HMBOX1: variants seen among roughly 807,000 people sequenced by gnomAD.
HMBOX1 encodes the protein homeobox-containing protein 1.
In HMBOX1, 14 loss-of-function variants were observed where a neutral mutation model predicts 54.5. That is an observed-to-expected ratio of 0.26 (90% CI 0.17 to 0.40). HMBOX1 has a LOEUF of 0.40. HMBOX1 is among the 10% of genes least tolerant of loss of function. The pLI is 1.00. For missense variants in HMBOX1, 332 were observed against 514.4 expected, an observed-to-expected ratio of 0.65 and a Z score of 3.43; for synonymous variants, 160 against 181.0, an observed-to-expected ratio of 0.88 and a Z score of 0.93.
intron 5 of HMBOX1, chr8:29,009,528 T>A: frequency 1.3e-6 from 1 of 752,516 alleles, no homozygotes; most frequent in Non-Finnish European, 1.6e-6. Context: ...TATCTCTTTT[T>A]TTTTTTTTTT....
chr8:28,920,060 A>G (rs1025911059), intron 1 of HMBOX1, among the ~76,000 whole-genome samples: 1 of 152,152 alleles, frequency 6.6e-6, no homozygotes. Flanking sequence ...TGAATAAACA[A>G]GAACATTTAT....
Position 28,979,422 on chromosome 8 carries a change from A to C in HMBOX1, c.501-649A>C, listed in dbSNP as rs973066410. On this transcript the variant is annotated intron_variant, in intron 3 of 9. Transcript: ENST00000287701. ...TGAACACAGAATATTATGTAGTTTT[A>C]AGTATTCTTATATATAATACAAAAT... Among the ~76,000 whole-genome samples, 7 of 152,222 alleles carry C rather than the reference A, an allele frequency of 4.6e-5. No individual in the cohort carries two copies. The South Asian group carries it at 1.4e-3, about 32-fold the overall frequency.
At chr8:29,041,439 C>T (rs1804803486) in intron 6 of HMBOX1, among the ~76,000 whole-genome samples, 1 of 152,156 alleles carries the variant, frequency 6.6e-6, no homozygotes, top group South Asian at 2.1e-4. Context: ...ATTATTGGCT[C>T]GTCAACACTA....
chr8:28,958,728 T>C (rs999845552), intron 1 of HMBOX1, among the ~76,000 whole-genome samples: 8 of 152,238 alleles, frequency 5.3e-5, no homozygotes, highest in Non-Finnish European at 1.2e-4. Context: ...GAAATGCTTT[T>C]AGTGTTTTGC....
chr8:28,926,689 T>G (rs1485873944), intron 1 of HMBOX1, among the ~76,000 whole-genome samples: 3 of 152,156 alleles, frequency 2.0e-5, no homozygotes, highest in Non-Finnish European at 4.4e-5. Context: ...TGCCTCAGCT[T>G]CCTAAGTAGC....
chr8:29,013,820 A>G (rs746473846), intron 5 of HMBOX1, among the ~76,000 whole-genome samples: 22 of 152,226 alleles, frequency 1.4e-4, no homozygotes, highest in South Asian at 4.1e-4. Context: ...TCCCTTGTCT[A>G]ATTTAAACAT....
intron 3 of HMBOX1, among the ~76,000 whole-genome samples, chr8:28,979,858 G>A (rs749945870): frequency 5.9e-5 from 9 of 152,136 alleles, no homozygotes; most frequent in Admixed American, 6.5e-5. Flanking sequence ...TCACTAAAGC[G>A]TCTGTTTGAT....
At chr8:28,937,109 T>G (rs1264233178) in intron 1 of HMBOX1, among the ~76,000 whole-genome samples, 1 of 152,178 alleles carries the variant, frequency 6.6e-6, no homozygotes, top group African/African-American at 2.4e-5. Context: ...GATGTGAGAT[T>G]GCTAGTGAGG....
chr8:29,000,628 A>C (rs1832505172), intron 4 of HMBOX1, among the ~76,000 whole-genome samples: 1 of 152,218 alleles, frequency 6.6e-6, no homozygotes, highest in Admixed American at 6.5e-5. Context: ...ACTGAGTGAG[A>C]TCTTGAGTCA....
chr8:29,028,986 C>G (rs1196843204), intron 6 of HMBOX1, among the ~76,000 whole-genome samples: 1 of 152,072 alleles, frequency 6.6e-6, no homozygotes, highest in Non-Finnish European at 1.5e-5. Context: ...TTTCATGAAG[C>G]TATGTTTTCA....
chr8:29,050,224 T>G lies in HMBOX1; in HGVS notation c.1126-794T>G, dbSNP rs542737263. 63 of 984,968 alleles carry G rather than the reference T, an allele frequency of 6.4e-5. 1 individual carries two copies. In the South Asian group the frequency reaches 2.8e-3, roughly 43 times the overall value. The allele number at this position is 984,968 out of a possible 1,614,324, so 61.0% of individuals were successfully genotyped here. On this transcript the variant is annotated intron_variant, in intron 9 of 9. Transcript: ENST00000287701. ...AAGGGACTTACCCTTTCCAAAGCTCTTTGATACGGAGTTCCCCTGAAGATG... is the reference window on the plus strand; with the variant it reads ...AAGGGACTTACCCTTTCCAAAGCTCGTTGATACGGAGTTCCCCTGAAGATG...
rs1586579871 is a variant in HMBOX1, at chr8:29,027,181, G to A, written c.851+8268G>A. ...TCAAGGGGAAAAAAAGTCATCTGTA[G>A]TGTATGTCTGAAATATCTGCATATG... On this transcript the variant is annotated intron_variant, in intron 6 of 9. Transcript: ENST00000287701. Among the ~76,000 whole-genome samples, 7 of 152,292 alleles carry A rather than the reference G, an allele frequency of 4.6e-5. No homozygotes were observed. In the South Asian group the frequency reaches 1.2e-3, roughly 27 times the overall value.
chr8:28,970,647 C>T lies in HMBOX1; in HGVS notation c.500+128C>T. 1 of 597,624 alleles carries T rather than the reference C, an allele frequency of 1.7e-6. No homozygotes were observed. Among genetic ancestry groups the T allele is most frequent in the Non-Finnish European group, 2.9e-6 (1 of 342,440 alleles). The allele number at this position is 597,624 out of a possible 1,614,324, so 37.0% of individuals were successfully genotyped here. On this transcript the variant is annotated intron_variant, in intron 3 of 9. Coordinates refer to ENST00000287701, the MANE Select transcript of HMBOX1 (RefSeq NM_001135726.3). This position sits in a 1 kb window ranked among gnomAD's most constrained non-coding sequence, Gnocchi z 4.3. ...CTTCCTCTAGCTATAAGAACTGTAA[C>T]TTCCTCCTCCCACCTTTGGAGATGA... is the stretch of plus-strand genomic sequence containing the variant.
intron 1 of HMBOX1, among the ~76,000 whole-genome samples, chr8:28,961,361 C>T (rs1348318688): frequency 6.6e-6 from 1 of 152,118 alleles, no homozygotes; most frequent in Admixed American, 6.6e-5. Flanking sequence ...TAAATAATAA[C>T]TTCTCATTAT....
chr8:28,907,976 T>G (rs7837112), intron 1 of HMBOX1, among the ~76,000 whole-genome samples: 99,462 of 151,674 alleles, frequency 0.66, 32,778 homozygotes, highest in East Asian at 0.75. Context: ...CTCCCGATTA[T>G]CTGGGACCAC....
At chr8:28,931,626 C>T (rs1208643113) in intron 1 of HMBOX1, among the ~76,000 whole-genome samples, 3 of 152,060 alleles carry the variant, frequency 2.0e-5, no homozygotes, top group African/African-American at 7.3e-5. Flanking sequence ...ACTGCAGCCT[C>T]TACCTCCCAG....
At chr8:28,969,145 C>A (rs181294659) in intron 2 of HMBOX1, among the ~76,000 whole-genome samples, 198 of 152,206 alleles carry the variant, frequency 1.3e-3, no homozygotes, top group African/African-American at 3.9e-3. Context: ...TGCACTCCAG[C>A]CTGGTTGACA....
At chr8:29,047,549 A>C (rs1464431250) in intron 8 of HMBOX1, 96 bp downstream of exon 8, 1 of 642,624 alleles carries the variant, frequency 1.6e-6, no homozygotes, top group Non-Finnish European at 2.7e-6. Context: ...GCAAGTCTAA[A>C]GGATCCTAAC....
At chr8:29,039,049 C>T (rs1463672340) in intron 6 of HMBOX1, among the ~76,000 whole-genome samples, 2 of 152,150 alleles carry the variant, frequency 1.3e-5, no homozygotes, top group African/African-American at 4.8e-5. Flanking sequence ...CCCTGAAAAC[C>T]CTTGCTCTTT....
Sources: gnomAD v4.1 joint callset for allele counts (sites outside exome capture counted in the v4.1 genomes callset) on GRCh38, gnomAD v4.1.1 for gene constraint, Gnocchi (gnomAD v3.1) non-coding constraint, MANE v1.5 for transcripts, NCBI Gene and HGNC (gene_info 2026-07-23, HGNC 2026-07-21) for gene names.